Variants in ZNF846 observed in about 807,000 individuals in gnomAD.
The protein encoded by ZNF846 is zinc finger protein 420 pseudogene.
Under a neutral mutation model 16.0 loss-of-function variants are expected in ZNF846, and 15 were observed. The observed-to-expected ratio is 0.94, with a 90% CI of 0.63 to 1.45. ZNF846 has a LOEUF of 1.45. Among genes scored for constraint, ZNF846 ranks in the 40% most tolerant of loss-of-function variants. The pLI is 0.00. For synonymous variants in ZNF846, 229 were observed against 212.0 expected, an observed-to-expected ratio of 1.08 and a Z score of -0.70; for missense variants, 714 against 622.3, an observed-to-expected ratio of 1.15 and a Z score of -1.57.
downstream of ZNF846, among the ~76,000 whole-genome samples, chr19:9,749,421 C>G (rs943987845): frequency 2.6e-5 from 4 of 152,112 alleles, no homozygotes; most frequent in Non-Finnish European, 4.4e-5. Flanking sequence ...TACACTTTTC[C>G]TCCAAGTCAC....
chr19:9,779,836 G>A (rs1266113281), intron 1 of ZNF846, among the ~76,000 whole-genome samples: 1 of 151,538 alleles, frequency 6.6e-6, no homozygotes, highest in African/African-American at 2.4e-5. Context: ...AACTCCCAAA[G>A]TGCTAGGATT....
intron 4 of ZNF846, among the ~76,000 whole-genome samples, chr19:9,760,691 A>T (rs190417541): frequency 6.6e-6 from 1 of 151,306 alleles, no homozygotes; most frequent in East Asian, 1.9e-4. Context: ...ACAGAGTGAG[A>T]CTCTGTGTCA....
chr19:9,756,089 C>T (rs924735769), downstream of ZNF846: 2 of 148,834 alleles, frequency 1.3e-5, no homozygotes, highest in African/African-American at 2.5e-5. Flanking sequence ...ATCTGCCCAC[C>T]TCGGCCTCCT....
exon 2 of ZNF846, chr19:9,765,017 G>A: frequency 3.2e-6 from 5 of 1,574,686 alleles, no homozygotes; most frequent in South Asian, 1.1e-5. Flanking sequence ...AAGACAGAAA[G>A]TGTCCTGGAA....
Position 9,758,083 on chromosome 19 carries a change from G to GA in ZNF846, c.993dup (p.His332SerfsTer8). On this transcript the variant is annotated frameshift_variant, in exon 6 of 6. Transcript: ENST00000397902. LOFTEE classifies it low-confidence loss of function (END_TRUNC). ...CATTCATATGGCTTTTCTCCAGTGTGAATTCGCATGTGTAAAATAAGTCCT... is the reference window on the plus strand; with the variant it reads ...CATTCATATGGCTTTTCTCCAGTGTGAAATTCGCATGTGTAAAATAAGTCCT... 1 of 1,613,600 alleles carries GA rather than the reference G, an allele frequency of 6.2e-7. No homozygotes were observed. The highest frequency in any genetic ancestry group is 1.7e-5 in the Admixed American group (1 of 60,010).
chr19:9,786,017 C>A (rs1042258829), exon 1 of ZNF846: 1 of 151,784 alleles, frequency 6.6e-6, no homozygotes, highest in Non-Finnish European at 1.5e-5. Flanking sequence ...TGGCCACGCG[C>A]ACTTCTGATT....
At chr19:9,777,107 TA>T (rs1052242235) in intron 1 of ZNF846, among the ~76,000 whole-genome samples, 2 of 147,706 alleles carry the variant, frequency 1.4e-5, no homozygotes, top group African/African-American at 5.0e-5. Flanking sequence ...TCAGGATCAT[TA>T]AAAAAAAGAA....
chr19:9,785,473 C>T (rs952747027), intron 1 of ZNF846, among the ~76,000 whole-genome samples: 1 of 151,442 alleles, frequency 6.6e-6, no homozygotes, highest in Non-Finnish European at 1.5e-5. Context: ...CCCCTCACCA[C>T]TACTCTCTTT....
At chr19:9,758,226 C>G in exon 6 of ZNF846, 1 of 1,613,262 alleles carries the variant, frequency 6.2e-7, no homozygotes, top group Non-Finnish European at 8.5e-7. Context: ...ACACTCTTTA[C>G]ATTTATATGG....
intron 2 of ZNF846, 81 bp downstream of exon 2, chr19:9,764,855 T>C (rs934054960): frequency 9.2e-6 from 14 of 1,521,736 alleles, no homozygotes; most frequent in African/African-American, 1.4e-5. Context: ...TTTAAGATGC[T>C]TGAATACACG....
Position 9,783,526 on chromosome 19 carries a change from TA to T in ZNF846, c.-86+2411del, listed in dbSNP as rs1161223088. Among the ~76,000 whole-genome samples, 561 of 106,156 alleles carry T rather than the reference TA, an allele frequency of 5.3e-3. 3 individuals are homozygous for T. The highest frequency in any genetic ancestry group is 0.012 in the African/African-American group (335 of 28,430). The allele number at this position is 106,156 out of a possible 152,430, so 69.6% of individuals were successfully genotyped here. A position where few individuals can be genotyped will look rare whatever the true frequency, so the allele number is the denominator to read the frequency against. ...GGCAACATAGTGAGAGTCTCATCACTAAAAAAAAAAAAAAAAAAATATATAT... is the reference window on the plus strand; with the variant it reads ...GGCAACATAGTGAGAGTCTCATCACTAAAAAAAAAAAAAAAAAATATATAT... On this transcript the variant is annotated intron_variant, in intron 1 of 4. Transcript: ENST00000586814.
chr19:9,759,781 G>T, intron 5 of ZNF846, 79 bp downstream of exon 5: 3 of 1,107,288 alleles, frequency 2.7e-6, no homozygotes, highest in Non-Finnish European at 3.9e-6. Context: ...CTGGGTAAAT[G>T]CCATTTTCCT....
intron 1 of ZNF846, among the ~76,000 whole-genome samples, chr19:9,784,509 C>T (rs1858508430): frequency 6.6e-6 from 1 of 152,194 alleles, no homozygotes; most frequent in African/African-American, 2.4e-5. Flanking sequence ...TCGGGTTTTA[C>T]ACCAAGACAT....
chr19:9,758,685 G>T, exon 6 of ZNF846: 1 of 1,611,852 alleles, frequency 6.2e-7, no homozygotes, highest in South Asian at 1.1e-5. Flanking sequence ...TATCATGTGA[G>T]TCATAAGAAA....
At chr19:9,784,010 G>A (rs988643055) in intron 1 of ZNF846, among the ~76,000 whole-genome samples, 68 of 152,196 alleles carry the variant, frequency 4.5e-4, no homozygotes, top group Non-Finnish European at 7.8e-4. Flanking sequence ...GCCAGATAAT[G>A]GTGATTTTTT....
At chr19:9,758,209 C>T (rs946095665) in exon 6 of ZNF846, 51 of 1,613,016 alleles carry the variant, frequency 3.2e-5, no homozygotes, top group Non-Finnish European at 4.2e-5. Flanking sequence ...TGGGTGAAGG[C>T]TTTCCCACAC....
intron 1 of ZNF846, among the ~76,000 whole-genome samples, chr19:9,781,645 A>G (rs2045502437): frequency 6.6e-6 from 1 of 152,160 alleles, no homozygotes; most frequent in African/African-American, 2.4e-5. Context: ...ATAAAATCCC[A>G]GATCCCACAA....
At chr19:9,784,813 G>A (rs549448299) in intron 1 of ZNF846, among the ~76,000 whole-genome samples, 25 of 152,158 alleles carry the variant, frequency 1.6e-4, no homozygotes, top group African/African-American at 6.0e-4. Flanking sequence ...CATACTGCCT[G>A]CAAACACATT....
intron 2 of ZNF846, among the ~76,000 whole-genome samples, chr19:9,764,118 G>A (rs1027576993): frequency 1.3e-5 from 2 of 152,124 alleles, no homozygotes; most frequent in African/African-American, 4.8e-5. Flanking sequence ...AATGGAATGC[G>A]ACCCTTGTGG....
Sources: gnomAD v4.1 joint callset for allele counts (sites outside exome capture counted in the v4.1 genomes callset) on GRCh38, gnomAD v4.1.1 for gene constraint, MANE v1.5 for transcripts, NCBI Gene and HGNC (gene_info 2026-07-23, HGNC 2026-07-21) for gene names.